The following ACOX3 variants were observed in gnomAD, a reference collection of about 807,000 sequenced individuals.
The protein encoded by ACOX3 is peroxisomal acyl-coenzyme A oxidase 3.
A neutral mutation model predicts 81.5 loss-of-function variants in ACOX3; 73 were observed. That is an observed-to-expected ratio of 0.90 (90% CI 0.74 to 1.09). The LOEUF is 1.09. ACOX3 is among the 50% of genes least tolerant of loss of function. The pLI is 0.00. For synonymous variants in ACOX3, 387 were observed against 375.1 expected (o/e 1.03, Z -0.37); for missense variants, 947 against 928.0 (o/e 1.02, Z -0.27).
At chr4:8,421,944 C>A (rs1420868681) in intron 1 of ACOX3, among the ~76,000 whole-genome samples, 1 of 152,196 alleles carries the variant, frequency 6.6e-6, no homozygotes, top group African/African-American at 2.4e-5. Context: ...TTGGCCAGGG[C>A]CTTAGAATTG....
chr4:8,407,873 C>T lies in ACOX3; in HGVS notation c.688-1830G>A, dbSNP rs1721180322. Reference sequence around the variant, plus strand: ...CCATGAGACGTGCCACCTTCCCCTTCCCCACCAGGGGACACGGGTGGTGTC... The same window carrying T: ...CCATGAGACGTGCCACCTTCCCCTTTCCCACCAGGGGACACGGGTGGTGTC... On this transcript the variant is annotated intron_variant, in intron 6 of 17. Coordinates refer to ENST00000356406, the MANE Select transcript of ACOX3 (RefSeq NM_003501.3). This position sits in a 1 kb window ranked among gnomAD's most constrained non-coding sequence, Gnocchi z 4.6. Among the ~76,000 whole-genome samples the T allele has an allele frequency of 6.6e-6, 1 of 152,210 alleles. No homozygotes were observed. Among genetic ancestry groups the T allele is most frequent in the South Asian group, 2.1e-4 (1 of 4,832 alleles).
intron 7 of ACOX3, among the ~76,000 whole-genome samples, chr4:8,403,675 G>A (rs1377807212): frequency 6.6e-6 from 1 of 152,230 alleles, no homozygotes; most frequent in Non-Finnish European, 1.5e-5. Flanking sequence ...TACCATATCA[G>A]TGTGATGTAT....
At position 8,382,949 on chromosome 4, in the gene ACOX3, C is replaced by A. The variant is rs1315505303; in HGVS notation, c.1538-1342G>T. On this transcript the variant is annotated intron_variant, in intron 13 of 17. Coordinates refer to ENST00000356406, the MANE Select transcript of ACOX3 (RefSeq NM_003501.3). The surrounding 1 kb of genome is among the most constrained non-coding windows in gnomAD (Gnocchi z 4.1). ...GGAGTTGCAGTGAGCCGAGATCGCG[C>A]CACTGCACTCCAGCCTGGGCGACAG... 6.7e-6 allele frequency among the ~76,000 whole-genome samples: 1 copy of A among 149,778 alleles called. No individual in the cohort carries two copies. Among genetic ancestry groups the A allele is most frequent in the African/African-American group, 2.5e-5 (1 of 40,726 alleles).
At chr4:8,427,406 C>A (rs751963545) in intron 1 of ACOX3, among the ~76,000 whole-genome samples, 1 of 152,250 alleles carries the variant, frequency 6.6e-6, no homozygotes, top group Non-Finnish European at 1.5e-5. Context: ...TTGCCATCCA[C>A]CACTGCTGAT....
chr4:8,402,544 C>T (rs1578934630), intron 7 of ACOX3, among the ~76,000 whole-genome samples: 1 of 152,336 alleles, frequency 6.6e-6, no homozygotes, highest in South Asian at 2.1e-4. Context: ...CCCATTCTCA[C>T]CACACAGAAT....
Position 8,432,204 on chromosome 4 carries a change from G to A in ACOX3, c.-15+8444C>T, listed in dbSNP as rs113370456. The stretch of plus-strand genomic sequence containing the variant: ...GTACAAGATGCACAAACAAATGGCT[G>A]TCCCTATGGCAAATGTTACTGGCTT... On this transcript the variant is annotated intron_variant, in intron 1 of 17. Transcript: ENST00000356406. This position sits in a 1 kb window ranked among gnomAD's most constrained non-coding sequence, Gnocchi z 6.2. 3.3e-5 allele frequency among the ~76,000 whole-genome samples: 5 copies of A among 152,348 alleles called. 1 individual carries two copies. The highest frequency in any genetic ancestry group is 1.2e-4 in the African/African-American group (5 of 41,582).
chr4:8,400,465 A>G lies in ACOX3; in HGVS notation c.777-813T>C, dbSNP rs957805913. On this transcript the variant is annotated intron_variant, in intron 7 of 17. Coordinates refer to ENST00000356406, the MANE Select transcript of ACOX3 (RefSeq NM_003501.3). This position sits in a 1 kb window ranked among gnomAD's most constrained non-coding sequence, Gnocchi z 4.4. ...GTTTAAAACTCTTCAGTCAAACAAA[A>G]TAACTGGTGTGATGGCATTGGTGCT... Among the ~76,000 whole-genome samples the G allele has an allele frequency of 1.3e-5, 2 of 152,180 alleles. No individual in the cohort carries two copies. Among genetic ancestry groups the G allele is most frequent in the African/African-American group, 2.4e-5 (1 of 41,442 alleles).
chr4:8,429,671 G>A (rs907239273), intron 1 of ACOX3, among the ~76,000 whole-genome samples: 4 of 152,296 alleles, frequency 2.6e-5, no homozygotes, highest in Non-Finnish European at 5.9e-5. Flanking sequence ...GTGGAAACAA[G>A]GCTAGGTGAT....
intron 1 of ACOX3, among the ~76,000 whole-genome samples, chr4:8,434,200 G>A (rs899255010): frequency 1.3e-5 from 2 of 152,166 alleles, no homozygotes; most frequent in East Asian, 1.9e-4. Context: ...ACACTTGCTC[G>A]ATTTATCACG....
intron 1 of ACOX3, among the ~76,000 whole-genome samples, chr4:8,422,142 CAGAG>C (rs1461459194): frequency 6.7e-6 from 1 of 148,236 alleles, no homozygotes; most frequent in African/African-American, 2.5e-5. Flanking sequence ...GAAAGAGAAA[CAGAG>C]AGAGAAAGGA....
intron 1 of ACOX3, among the ~76,000 whole-genome samples, chr4:8,435,857 C>T (rs991122302): frequency 1.4e-4 from 21 of 152,212 alleles, no homozygotes; most frequent in African/African-American, 5.1e-4. Context: ...CAGCCTACCC[C>T]CCTTTACCGA....
intron 1 of ACOX3, among the ~76,000 whole-genome samples, chr4:8,418,571 C>CA (rs1191778312): frequency 1.3e-5 from 2 of 151,766 alleles, no homozygotes; most frequent in African/African-American, 4.8e-5. Flanking sequence ...GACAAATGGC[C>CA]AAAAAATACA....
rs780721193 is a variant in ACOX3 at position 8,415,920 on chromosome 4, C to T, written c.224G>A (p.Arg75His). 17 of 1,614,052 alleles carry T rather than the reference C, an allele frequency of 1.1e-5. No individual in the cohort carries two copies. In the East Asian group the frequency reaches 2.9e-4, roughly 27 times the overall value. Residue 75 changes from arginine (R) to histidine (H), a missense_variant, in exon 3 of 18, where the codon CGC (arginine) becomes CAC (histidine). Transcript: ENST00000356406. ...CTTGCATCGAAGGAAGTTCAGCTCG[C>T]GATACTTCTCCAAGGACAGATCGGC... ...PGADLSLEKY[R>H]ELNFLRCKRI... is the part of the protein sequence containing the mutation.
chr4:8,418,372 T>A (rs1722564168), intron 1 of ACOX3, among the ~76,000 whole-genome samples: 1 of 148,546 alleles, frequency 6.7e-6, no homozygotes, highest in South Asian at 2.1e-4. Context: ...GGCAGGAGAA[T>A]CGCTTGAACC....
At chr4:8,367,373 C>A (rs1466765889) in intron 17 of ACOX3, among the ~76,000 whole-genome samples, 4 of 151,996 alleles carry the variant, frequency 2.6e-5, no homozygotes, top group African/African-American at 9.7e-5. Flanking sequence ...ATCCCAGCTA[C>A]TCGGAAGGCT....
rs1723147846 is a variant in ACOX3 at position 8,423,331 on chromosome 4, T to G, written c.-14-6796A>C. Among the ~76,000 whole-genome samples the G allele has an allele frequency of 1.3e-5, 2 of 152,134 alleles. No homozygotes were observed. The highest frequency in any genetic ancestry group is 1.3e-4 in the Admixed American group (2 of 15,274). On this transcript the variant is annotated intron_variant, in intron 1 of 17. Transcript: ENST00000356406. The surrounding 1 kb of genome is among the most constrained non-coding windows in gnomAD (Gnocchi z 4.2). ...TGAACATGGGAGAAGGAACACCGTT[T>G]GCTGTCCCCTACTTGAGGAAGGAAT... is the stretch of plus-strand genomic sequence containing the variant.
chr4:8,425,359 C>T (rs1035350352), intron 1 of ACOX3, among the ~76,000 whole-genome samples: 15 of 151,942 alleles, frequency 9.9e-5, no homozygotes, highest in Admixed American at 5.9e-4. Flanking sequence ...GGGAACCTCA[C>T]GAGGACATAG....
In ACOX3 at chr4:8,377,459, C is replaced by T. The variant is rs182146428; in HGVS notation, c.1654-2307G>A. On this transcript the variant is annotated intron_variant, in intron 14 of 17. Coordinates refer to ENST00000356406, the MANE Select transcript of ACOX3 (RefSeq NM_003501.3). ...GTGAGTTTTGAAACACAGCGTCACT[C>T]GGCTCTGCAGCTCTGCGCGTGAGCA... Among the ~76,000 whole-genome samples, 1,191 of 144,872 alleles carry T rather than the reference C, an allele frequency of 8.2e-3. 13 individuals are homozygous for T. The highest frequency in any genetic ancestry group is 9.0e-3 in the Non-Finnish European group (601 of 66,942).
Position 8,391,208 on chromosome 4 carries a change from G to A in ACOX3, c.1300+1125C>T, listed in dbSNP as rs534369481. Among the ~76,000 whole-genome samples, 4 of 152,340 alleles carry A rather than the reference G, an allele frequency of 2.6e-5. No individual in the cohort carries two copies. The East Asian group carries it at 7.7e-4, about 29-fold the overall frequency. On this transcript the variant is annotated intron_variant, in intron 11 of 17. Transcript: ENST00000356406. ...GGGCATTGCGCAGAGGACAAAGCAT[G>A]CAAATGAGTAACTTGTGTACAGCCA...
Sources: allele counts gnomAD v4.1 joint callset (sites outside exome capture counted in the v4.1 genomes callset), GRCh38; gene constraint gnomAD v4.1.1; non-coding constraint Gnocchi (gnomAD v3.1); transcripts MANE v1.5; gene names NCBI Gene and HGNC (gene_info 2026-07-23, HGNC 2026-07-21).